CACNA1C: variants seen among roughly 807,000 people sequenced by gnomAD.
CACNA1C encodes the protein calcium voltage-gated channel subunit alpha1 C.
A neutral mutation model predicts 229.0 loss-of-function variants in CACNA1C; 30 were observed. The ratio of observed to expected loss-of-function variants is 0.13; its 90% confidence interval spans 0.10 to 0.18. The LOEUF (loss-of-function observed/expected upper bound fraction) is 0.18. CACNA1C is among the 10% of genes least tolerant of loss of function. CACNA1C has a pLI of 1.00. For synonymous variants in CACNA1C, 1,114 were observed against 1,132.5 expected (o/e 0.98, Z 0.33); for missense variants, 1,658 against 2,845.0 (o/e 0.58, Z 9.49).
chr12:2,210,723 GA>G, intron 3 of CACNA1C, among the ~76,000 whole-genome samples: 1 of 152,114 alleles, frequency 6.6e-6, no homozygotes, highest in Non-Finnish European at 1.5e-5. Flanking sequence ...GTGTATTAGA[GA>G]AAAAAGCATT....
intron 11 of CACNA1C, among the ~76,000 whole-genome samples, chr12:2,561,120 G>T (rs1052267966): frequency 2.0e-5 from 3 of 152,210 alleles, no homozygotes; most frequent in African/African-American, 7.2e-5. Flanking sequence ...TCAGCCAGGG[G>T]TTCCCGTGCA....
intron 1 of CACNA1C, among the ~76,000 whole-genome samples, chr12:1,982,210 TTTTA>T (rs2036355555): frequency 6.6e-6 from 1 of 152,198 alleles, no homozygotes; most frequent in African/African-American, 2.4e-5. Flanking sequence ...TTTTTTCCTT[TTTTA>T]TTGTGTTAAA....
In CACNA1C at chr12:2,674,623, G is replaced by C; in HGVS notation, c.4809G>C (p.Gln1603His). 6.4e-7 allele frequency: 1 copy of C among 1,569,956 alleles called. No individual in the cohort carries two copies. Among genetic ancestry groups the C allele is most frequent in the Non-Finnish European group, 8.6e-7 (1 of 1,157,236 alleles). ...GGACCAGCATGAAGCTGCTGGACCA[G>C]GTGGTGCCCCCTGCAGGTGGTGAGT... ...WKRTSMKLLD[Q>H]VVPPAGDDEV... is the part of the protein sequence containing the mutation. The change falls in exon 39 of 47, where the codon CAG (glutamine) becomes CAC (histidine). Residue 1603 changes from glutamine to histidine, a missense_variant. Gln to His is a conservative substitution (Grantham distance 24, BLOSUM62 0). Around this residue, in one of 20 missense-constraint regions of CACNA1C, gnomAD observed 151 missense variants for 344.4 expected, o/e 0.44. Transcript: ENST00000399655.
intron 5 of CACNA1C, among the ~76,000 whole-genome samples, chr12:2,478,594 A>G (rs922015362): frequency 1.3e-5 from 2 of 152,156 alleles, no homozygotes; most frequent in Admixed American, 6.5e-5. Flanking sequence ...GGCCTTTACT[A>G]TGGGCCTGAT....
At chr12:2,490,634 G>A (rs991026864) in intron 6 of CACNA1C, among the ~76,000 whole-genome samples, 29 of 151,994 alleles carry the variant, frequency 1.9e-4, no homozygotes, top group African/African-American at 6.8e-4. Flanking sequence ...CAAATTTTTC[G>A]GTGCTTATTA....
intron 3 of CACNA1C, among the ~76,000 whole-genome samples, chr12:2,268,512 G>A (rs2083345488): frequency 6.6e-6 from 1 of 152,218 alleles, no homozygotes; most frequent in South Asian, 2.1e-4. Flanking sequence ...GGCAGGCTGG[G>A]GGTGTGGGGA....
chr12:2,568,092 G>A (rs185205340), intron 13 of CACNA1C, among the ~76,000 whole-genome samples: 25 of 152,250 alleles, frequency 1.6e-4, no homozygotes, highest in Admixed American at 7.2e-4. Context: ...GAGGGTCAGG[G>A]ACTCAATCTC....
chr12:2,558,920 A>T (rs977916903), intron 11 of CACNA1C, among the ~76,000 whole-genome samples: 1 of 152,140 alleles, frequency 6.6e-6, no homozygotes, highest in Admixed American at 6.5e-5. Flanking sequence ...CTCTTATTAC[A>T]GAGCAAGAGC....
At chr12:2,374,596 G>A (rs1032509765) in intron 3 of CACNA1C, among the ~76,000 whole-genome samples, 1 of 152,186 alleles carries the variant, frequency 6.6e-6, no homozygotes, top group Admixed American at 6.5e-5. Flanking sequence ...AGCGGTCAGG[G>A]CTCCCTGCTG....
At chr12:2,686,951 C>T (rs1253716122) in intron 45 of CACNA1C, among the ~76,000 whole-genome samples, 1 of 152,208 alleles carries the variant, frequency 6.6e-6, no homozygotes, top group Non-Finnish European at 1.5e-5. Context: ...TAAAGTTATA[C>T]TCTTTTATAG....
chr12:2,089,761 G>A (rs563343367), intron 1 of CACNA1C, among the ~76,000 whole-genome samples: 46 of 152,262 alleles, frequency 3.0e-4, no homozygotes, highest in East Asian at 9.6e-4. Flanking sequence ...CTGGCTGGGC[G>A]CGGTGGCTGA....
chr12:2,297,988 C>T (rs960491260), intron 3 of CACNA1C, among the ~76,000 whole-genome samples: 9 of 152,170 alleles, frequency 5.9e-5, no homozygotes, highest in Admixed American at 2.0e-4. Context: ...CTCAGCAGTT[C>T]TTCCCAAAAT....
At position 2,581,611 on chromosome 12, in the gene CACNA1C, C is replaced by A. The variant is rs1057524804; in HGVS notation, c.1917C>A (p.Asn639Lys). ...TCAGGTACTGGAACTCCTTGAGCAA[C>A]CTGGTGGCATCCTTGCTGAACTCTG... ...KITRYWNSLS[N>K]LVASLLNSVR... Residue 639 changes from asparagine (N) to lysine (K), a missense_variant, in exon 14 of 47, where the codon AAC (asparagine) becomes AAA (lysine). Coordinates refer to ENST00000399655, the MANE Select transcript of CACNA1C (RefSeq NM_000719.7). 1 of 1,569,778 alleles carries A rather than the reference C, an allele frequency of 6.4e-7. No individual in the cohort carries two copies. The highest frequency in any genetic ancestry group is 8.6e-7 in the Non-Finnish European group (1 of 1,156,694).
chr12:2,475,680 C>G (rs1238954246), intron 5 of CACNA1C, among the ~76,000 whole-genome samples: 2 of 152,178 alleles, frequency 1.3e-5, no homozygotes, highest in Non-Finnish European at 2.9e-5. Flanking sequence ...TAATCAAACA[C>G]AGAAACTGAA....
chr12:2,342,818 C>A (rs1300575988), intron 3 of CACNA1C, among the ~76,000 whole-genome samples: 2 of 152,136 alleles, frequency 1.3e-5, no homozygotes, highest in African/African-American at 4.8e-5. Context: ...TCTTTGTGAG[C>A]CCTTGTGTTT....
At chr12:2,441,944 C>T (rs556391032) in intron 3 of CACNA1C, among the ~76,000 whole-genome samples, 5 of 152,316 alleles carry the variant, frequency 3.3e-5, no homozygotes, top group South Asian at 2.1e-4. Context: ...CTTGCCTGCA[C>T]CTGTCCCGAA....
At chr12:2,437,435 A>G (rs1309418748) in intron 3 of CACNA1C, among the ~76,000 whole-genome samples, 1 of 152,202 alleles carries the variant, frequency 6.6e-6, no homozygotes, top group Non-Finnish European at 1.5e-5. Context: ...AAACAATGGG[A>G]AAAAAACATT....
At chr12:2,192,053 TACAC>T (rs1276160232) in intron 3 of CACNA1C, among the ~76,000 whole-genome samples, 2 of 150,974 alleles carry the variant, frequency 1.3e-5, no homozygotes, top group East Asian at 2.0e-4. Flanking sequence ...GGCACACACA[TACAC>T]ACTCAGGCAC....
chr12:2,665,086 C>A lies in CACNA1C; in HGVS notation c.4398+96C>A, dbSNP rs976545815. The A allele has an allele frequency of 1.1e-5, 15 of 1,330,872 alleles. No individual in the cohort carries two copies. The highest frequency in any genetic ancestry group is 1.5e-5 in the Non-Finnish European group (14 of 941,162). 82.4% of individuals were successfully genotyped at this position (1,330,872 alleles called of 1,614,324 possible). On this transcript the variant is annotated intron_variant, in intron 35 of 46. Transcript: ENST00000399655. This position sits in a 1 kb window ranked among gnomAD's most constrained non-coding sequence, Gnocchi z 5.9. ...CTCTGCAGCTCATGGTCAGGGCAAC[C>A]CTATCAGAGGAGCTGGCTTGGGAAG...
Sources: allele counts gnomAD v4.1 joint callset (sites outside exome capture counted in the v4.1 genomes callset), GRCh38; gene constraint gnomAD v4.1.1; regional missense constraint gnomAD v4.1.1; non-coding constraint Gnocchi (gnomAD v3.1); transcripts MANE v1.5; gene names NCBI Gene and HGNC (gene_info 2026-07-23, HGNC 2026-07-21).